Variants in RIMS3 observed in about 807,000 individuals in gnomAD.
The protein encoded by RIMS3 is regulating synaptic membrane exocytosis protein 3.
RIMS3 carries 15 observed loss-of-function variants against 29.2 expected under a neutral mutation model. The ratio of observed to expected loss-of-function variants is 0.51; its 90% CI spans 0.34 to 0.79. The LOEUF (loss-of-function observed/expected upper bound fraction) is 0.79, where lower values mean the gene tolerates loss of function less well. RIMS3 is among the 30% of genes least tolerant of loss of function. The probability of loss-of-function intolerance (pLI) is 0.01; values close to 1 mark genes in which losing one functional copy is unlikely to be tolerated. For missense variants in RIMS3, 342 were observed against 421.4 expected, an observed-to-expected ratio of 0.81 and a Z score of 1.65; for synonymous variants, 161 against 170.1, an observed-to-expected ratio of 0.95 and a Z score of 0.41.
intron 2 of RIMS3, among the ~76,000 whole-genome samples, chr1:40,644,986 C>A (rs751041109): frequency 4.6e-5 from 7 of 152,224 alleles, no homozygotes; most frequent in Non-Finnish European, 8.8e-5. Flanking sequence ...GTCACCTGGT[C>A]AGCATGGCTC....
the RIMS3 span, among the ~76,000 whole-genome samples, chr1:40,683,844 C>T: frequency 2.6e-5 from 4 of 152,222 alleles, no homozygotes; most frequent in Admixed American, 2.6e-4. Flanking sequence ...TCTTTACCCT[C>T]TTTTCCTTTA....
intron 2 of RIMS3, among the ~76,000 whole-genome samples, chr1:40,645,136 C>A (rs529702724): frequency 1.6e-4 from 24 of 152,306 alleles, no homozygotes; most frequent in African/African-American, 5.8e-4. Flanking sequence ...CCCCCATCAA[C>A]CCTGCAGCTA....
rs1467127570 is a variant in RIMS3 at position 40,636,893 on chromosome 1, C to G, written c.218-836G>C. Among the ~76,000 whole-genome samples, 1 of 152,224 alleles carries G rather than the reference C, an allele frequency of 6.6e-6. No individual in the cohort carries two copies. The highest frequency in any genetic ancestry group is 2.4e-5 in the African/African-American group (1 of 41,444). On this transcript the variant is annotated intron_variant, in intron 3 of 7. Coordinates refer to ENST00000372684, the MANE Select transcript of RIMS3 (RefSeq NM_014747.3). The surrounding 1 kb of genome is among the most constrained non-coding windows in gnomAD (Gnocchi z 4.2). ...CATCCTGCCTGGGTTTCCATGGCAA[C>G]CTCCTCGGCATTGCAGTGTGGTCCC... is the stretch of plus-strand genomic sequence containing the variant.
intron 1 of RIMS3, among the ~76,000 whole-genome samples, chr1:40,653,287 C>T (rs932700329): frequency 5.9e-5 from 9 of 152,044 alleles, no homozygotes; most frequent in Admixed American, 3.9e-4. Flanking sequence ...AGAGGTAGTA[C>T]CCACAGTTAG....
upstream of RIMS3, chr1:40,669,731 A>T (rs567959564): frequency 6.6e-6 from 1 of 152,322 alleles, no homozygotes; most frequent in Non-Finnish European, 1.5e-5. Flanking sequence ...GGGGCTGAAT[A>T]AAGTACACCA....
intron 2 of RIMS3, 78 bp from the exon 3 acceptor site, chr1:40,642,034 C>T (rs11208588): frequency 0.3 from 260,722 of 878,446 alleles, 41,628 homozygotes; most frequent in Middle Eastern, 0.35. Context: ...TTCCTAGCTG[C>T]GTGACCTTGG....
At chr1:40,627,862 C>T (rs1646465193) in intron 7 of RIMS3, among the ~76,000 whole-genome samples, 1 of 152,134 alleles carries the variant, frequency 6.6e-6, no homozygotes, top group Non-Finnish European at 1.5e-5. Context: ...GCCTCAGTCT[C>T]CCGAGTCTCT....
At chr1:40,683,139 C>T in the RIMS3 span, among the ~76,000 whole-genome samples, 2 of 152,174 alleles carry the variant, frequency 1.3e-5, no homozygotes. Context: ...GGGACTCGAA[C>T]TCAGGCTAAC....
chr1:40,684,892 C>T, the RIMS3 span, among the ~76,000 whole-genome samples: 158 of 152,266 alleles, frequency 1.0e-3, 2 homozygotes, highest in Admixed American at 9.2e-3. Context: ...CCAAATCCCA[C>T]GCTCTGTGAG....
chr1:40,648,976 A>C (rs757065492), intron 1 of RIMS3, among the ~76,000 whole-genome samples: 2 of 152,196 alleles, frequency 1.3e-5, no homozygotes, highest in African/African-American at 2.4e-5. Context: ...CATTCACAGA[A>C]GGGGGAAAGG....
chr1:40,647,165 T>C (rs960386685), intron 2 of RIMS3, among the ~76,000 whole-genome samples: 9 of 152,070 alleles, frequency 5.9e-5, no homozygotes, highest in Admixed American at 5.9e-4. Flanking sequence ...AAGTGTGAGC[T>C]ACCGCGCCCG....
At chr1:40,691,134 A>G in the RIMS3 span, 1 of 152,314 alleles carries the variant, frequency 6.6e-6, no homozygotes, top group African/African-American at 2.4e-5. Context: ...TAAAACTTTA[A>G]AATCTGCATT....
the RIMS3 span, among the ~76,000 whole-genome samples, chr1:40,683,081 T>C: frequency 2.6e-5 from 4 of 152,120 alleles, no homozygotes; most frequent in South Asian, 8.3e-4. Flanking sequence ...TACAACTTTC[T>C]TTGCATCTTT....
chr1:40,691,991 C>G, the RIMS3 span: 16 of 281,438 alleles, frequency 5.7e-5, no homozygotes, highest in South Asian at 4.1e-4. Flanking sequence ...GTAGCTCGGT[C>G]CGTCCTGCCC....
In RIMS3 at chr1:40,623,418, G is replaced by A. The variant is rs1021780964; in HGVS notation, c.*3099C>T. 1.8e-5 allele frequency: 7 copies of A among 398,442 alleles called. No individual in the cohort carries two copies. Among genetic ancestry groups the A allele is most frequent in the Admixed American group, 4.4e-5 (1 of 22,710 alleles). 24.7% of individuals were successfully genotyped at this position (398,442 alleles called of 1,614,324 possible). A position where few individuals can be genotyped will look rare whatever the true frequency, so the allele number is the denominator to read the frequency against. On this transcript the variant is annotated 3_prime_UTR_variant, in exon 8 of 8. Coordinates refer to ENST00000372684, the MANE Select transcript of RIMS3 (RefSeq NM_014747.3). ...ACAGAGCAGAAATACAAAGACAGACGCTCTGAGTCATCCATCACTGTCCCT... is the reference window on the plus strand; with the variant it reads ...ACAGAGCAGAAATACAAAGACAGACACTCTGAGTCATCCATCACTGTCCCT...
chr1:40,628,015 T>C (rs1474155532), intron 7 of RIMS3, among the ~76,000 whole-genome samples: 1 of 152,188 alleles, frequency 6.6e-6, no homozygotes, highest in Non-Finnish European at 1.5e-5. Flanking sequence ...GGCTCTAGCC[T>C]CTTCTCTCTC....
chr1:40,638,903 A>G (rs887906370), intron 3 of RIMS3, among the ~76,000 whole-genome samples: 12 of 152,366 alleles, frequency 7.9e-5, no homozygotes, highest in African/African-American at 2.9e-4. Flanking sequence ...TTACAGAGCC[A>G]GGACTAGCCC....
At chr1:40,656,615 C>A (rs554493113) in intron 1 of RIMS3, among the ~76,000 whole-genome samples, 1 of 152,076 alleles carries the variant, frequency 6.6e-6, no homozygotes, top group South Asian at 2.1e-4. Flanking sequence ...GAAACTCCGT[C>A]TCCACTAAAT....
At chr1:40,680,584 G>A in the RIMS3 span, among the ~76,000 whole-genome samples, 8 of 151,832 alleles carry the variant, frequency 5.3e-5, no homozygotes, top group Non-Finnish European at 7.4e-5. Flanking sequence ...TGCCCGCCTC[G>A]GCCTCCTAAA....
Sources: allele counts gnomAD v4.1 joint callset (sites outside exome capture counted in the v4.1 genomes callset), GRCh38; gene constraint gnomAD v4.1.1; non-coding constraint Gnocchi (gnomAD v3.1); transcripts MANE v1.5; gene names NCBI Gene and HGNC (gene_info 2026-07-23, HGNC 2026-07-21).